PDGFRL: variants seen among roughly 807,000 people sequenced by gnomAD.
PDGFRL encodes the protein platelet-derived growth factor receptor-like protein.
Under a neutral mutation model 37.2 loss-of-function variants are expected in PDGFRL, and 46 were observed. The observed-to-expected ratio is 1.24, with a 90% confidence interval of 0.98 to 1.58. PDGFRL has a LOEUF of 1.58. Ranked by LOEUF, PDGFRL falls within the 40% of genes most tolerant of loss-of-function variation. PDGFRL has a pLI of 0.00. For missense variants in PDGFRL, 692 were observed against 467.6 expected (o/e 1.48, Z -4.43); for synonymous variants, 251 against 184.3 (o/e 1.36, Z -2.93).
At chr8:17,592,059 C>G (rs958135651) in intron 2 of PDGFRL, among the ~76,000 whole-genome samples, 14 of 152,282 alleles carry the variant, frequency 9.2e-5, no homozygotes, top group African/African-American at 3.4e-4. Flanking sequence ...GTTACCCAAC[C>G]AGAAGACTGG....
intron 2 of PDGFRL, among the ~76,000 whole-genome samples, chr8:17,591,857 A>T (rs180983483): frequency 1.5e-3 from 232 of 152,300 alleles, no homozygotes; most frequent in African/African-American, 5.4e-3. Context: ...CGGAGGTTGC[A>T]GTGAGCCGAG....
chr8:17,609,650 AAAAAAAAAAAAAAAAT>A (rs542382095), intron 2 of PDGFRL, among the ~76,000 whole-genome samples: 32 of 143,916 alleles, frequency 2.2e-4, no homozygotes, highest in Middle Eastern at 3.7e-3. Flanking sequence ...AAAAAAAAAA[AAAAAAAAAAAAAAAAT>A]AAGAGCCAAA....
At chr8:17,590,255 A>AAAAAAAAAAAAAAAAAAAAAAAAAAAAG in intron 2 of PDGFRL, among the ~76,000 whole-genome samples, 2 of 146,914 alleles carry the variant, frequency 1.4e-5, no homozygotes, top group Non-Finnish European at 3.0e-5. Flanking sequence ...AAAAAAAAAA[A>AAAAAAAAAAAAAAAAAAAAAAAAAAAAG]ATTGCAAATC....
chr8:17,639,639 G>C (rs1209850008), intron 5 of PDGFRL, among the ~76,000 whole-genome samples: 2 of 152,152 alleles, frequency 1.3e-5, no homozygotes, highest in Non-Finnish European at 1.5e-5. Context: ...TTCTGCTGAG[G>C]AATCTGCTGT....
At position 17,642,612 on chromosome 8, in the gene PDGFRL, G is replaced by A. The variant is rs1261375003; in HGVS notation, c.940-1G>A. ...CAGTCTTTGTGGGTGTCGTTAAACAGGATGAAAGGCCTGTGACGATCCAAG... is the reference window on the plus strand; with the variant it reads ...CAGTCTTTGTGGGTGTCGTTAAACAAGATGAAAGGCCTGTGACGATCCAAG... On this transcript the variant is annotated splice_acceptor_variant, in intron 5 of 5. Coordinates refer to ENST00000251630, the MANE Select transcript of PDGFRL (RefSeq NM_001372073.1). LOFTEE classifies it high-confidence loss of function. 2 of 1,598,900 alleles carry A rather than the reference G, an allele frequency of 1.3e-6. No individual in the cohort carries two copies. Among genetic ancestry groups the A allele is most frequent in the Non-Finnish European group, 1.7e-6 (2 of 1,166,374 alleles).
chr8:17,581,275 A>C (rs1359180100), intron 1 of PDGFRL, among the ~76,000 whole-genome samples: 1 of 152,124 alleles, frequency 6.6e-6, no homozygotes, highest in Non-Finnish European at 1.5e-5. Flanking sequence ...CAGGGGCACC[A>C]CAAAGGCAAT....
intron 1 of PDGFRL, among the ~76,000 whole-genome samples, chr8:17,588,578 C>A (rs1340519528): frequency 3.3e-5 from 5 of 152,088 alleles, no homozygotes; most frequent in Non-Finnish European, 7.4e-5. Context: ...GAGGCTGAGG[C>A]AGGAGGATCA....
intron 1 of PDGFRL, among the ~76,000 whole-genome samples, chr8:17,577,879 C>G (rs564742096): frequency 6.6e-6 from 1 of 151,754 alleles, no homozygotes; most frequent in Admixed American, 6.6e-5. Context: ...CAAAACGAAT[C>G]AAAAGCCCAC....
chr8:17,595,577 C>A (rs1307341200), intron 2 of PDGFRL, among the ~76,000 whole-genome samples: 1 of 152,176 alleles, frequency 6.6e-6, no homozygotes, highest in African/African-American at 2.4e-5. Flanking sequence ...AAACAAGAGC[C>A]AGGGCAGCCA....
chr8:17,591,999 CTG>C (rs1384201050), intron 2 of PDGFRL, among the ~76,000 whole-genome samples: 1 of 152,130 alleles, frequency 6.6e-6, no homozygotes, highest in Non-Finnish European at 1.5e-5. Context: ...TCCACACAAA[CTG>C]TGTTTTTGCA....
At chr8:17,631,253 T>C (rs1804855304) in intron 4 of PDGFRL, among the ~76,000 whole-genome samples, 2 of 152,152 alleles carry the variant, frequency 1.3e-5, no homozygotes, top group African/African-American at 2.4e-5. Context: ...GTTTCTCTTC[T>C]GGCACTGTAG....
At chr8:17,587,219 A>T (rs1325459193) in intron 1 of PDGFRL, among the ~76,000 whole-genome samples, 2 of 152,184 alleles carry the variant, frequency 1.3e-5, no homozygotes, top group East Asian at 3.9e-4. Context: ...TGGTGGGGCT[A>T]TTTGGTCAAA....
In PDGFRL at chr8:17,627,897, C is replaced by G. The variant is rs12543721; in HGVS notation, c.506-590C>G. Among the ~76,000 whole-genome samples, 1,320 of 151,152 alleles carry G rather than the reference C, an allele frequency of 8.7e-3. 57 individuals are homozygous for G. Among genetic ancestry groups the G allele is most frequent in the Admixed American group, 0.073 (1,103 of 15,182 alleles). ...CTTGTTAAAGGTTAATATGTTAAAT[C>G]TTAATTTAAATCTTGTTCCTTGCTT... On this transcript the variant is annotated intron_variant, in intron 3 of 5. Transcript: ENST00000251630.
chr8:17,612,914 TTCTATC>T (rs1410857088), intron 2 of PDGFRL, among the ~76,000 whole-genome samples: 1 of 152,148 alleles, frequency 6.6e-6, no homozygotes, highest in African/African-American at 2.4e-5. Context: ...TATCAAAATA[TTCTATC>T]TCTTTTATGA....
At chr8:17,588,788 A>G (rs545550070) in intron 1 of PDGFRL, among the ~76,000 whole-genome samples, 4 of 152,348 alleles carry the variant, frequency 2.6e-5, no homozygotes, top group African/African-American at 9.6e-5. Context: ...TGGTGACAAC[A>G]TATAGACTGC....
intron 2 of PDGFRL, among the ~76,000 whole-genome samples, chr8:17,597,924 C>G (rs758913165): frequency 1.3e-5 from 2 of 152,066 alleles, no homozygotes; most frequent in Non-Finnish European, 2.9e-5. Context: ...TTATGTAGAT[C>G]TCCTTATGAT....
At chr8:17,593,008 C>T (rs1803975977) in intron 2 of PDGFRL, among the ~76,000 whole-genome samples, 1 of 152,064 alleles carries the variant, frequency 6.6e-6, no homozygotes, top group African/African-American at 2.4e-5. Context: ...TGATATTAAA[C>T]TGTCTACTTA....
At chr8:17,598,471 T>C (rs1191611153) in intron 2 of PDGFRL, among the ~76,000 whole-genome samples, 2 of 152,174 alleles carry the variant, frequency 1.3e-5, no homozygotes, top group Non-Finnish European at 2.9e-5. Flanking sequence ...TCAGGAAGTA[T>C]GTTTTGGCTT....
At chr8:17,582,153 C>T (rs1803720836) in intron 1 of PDGFRL, among the ~76,000 whole-genome samples, 3 of 152,110 alleles carry the variant, frequency 2.0e-5, no homozygotes, top group African/African-American at 7.2e-5. Flanking sequence ...CTTGTTAGGC[C>T]TTAGCAAAGA....
Sources: gnomAD v4.1 joint callset for allele counts (sites outside exome capture counted in the v4.1 genomes callset) on GRCh38, gnomAD v4.1.1 for gene constraint, MANE v1.5 for transcripts, NCBI Gene and HGNC (gene_info 2026-07-23, HGNC 2026-07-21) for gene names.